LINGO1: variants seen among roughly 807,000 people sequenced by gnomAD.
LINGO1 encodes the protein leucine rich repeat and Ig domain containing 1.
A neutral mutation model predicts 37.3 loss-of-function variants in LINGO1; 11 were observed. The ratio of observed to expected loss-of-function variants is 0.29; its 90% CI spans 0.19 to 0.49. The LOEUF (loss-of-function observed/expected upper bound fraction) is 0.49, where lower values mean the gene tolerates loss of function less well. LINGO1 is among the 20% of genes least tolerant of loss of function. The pLI is 0.99. For synonymous variants in LINGO1, 387 were observed against 403.0 expected (o/e 0.96, Z 0.48); for missense variants, 585 against 878.2 (o/e 0.67, Z 4.22).
chr15:77,776,544 G>GGAAAGCA (rs2076655234), intron 1 of LINGO1, among the ~76,000 whole-genome samples: 1 of 122,462 alleles, frequency 8.2e-6, no homozygotes, highest in African/African-American at 2.7e-5. Flanking sequence ...GAGGGAGGGA[G>GGAAAGCA]GGAGGGAGGG....
chr15:77,663,463 C>T (rs1486542491), intron 3 of LINGO1, among the ~76,000 whole-genome samples: 1 of 152,198 alleles, frequency 6.6e-6, no homozygotes, highest in East Asian at 1.9e-4. Context: ...CCACCCTGGA[C>T]TTTGGTCCTG....
chr15:77,641,714 G>A, intron 3 of LINGO1: 1 of 385,528 alleles, frequency 2.6e-6, no homozygotes, highest in Non-Finnish European at 5.2e-6. Flanking sequence ...GACCCACTGT[G>A]GAGTCAGGTG....
At chr15:77,797,593 G>C (rs2076883874) in intron 1 of LINGO1, among the ~76,000 whole-genome samples, 1 of 152,336 alleles carries the variant, frequency 6.6e-6, no homozygotes. Context: ...TCAGGAAGCT[G>C]GCATCGAACC....
At chr15:77,819,556 TGCCCGGCGCCCACACTCGCGCACACA>T in intron 1 of LINGO1, 1 of 137,468 alleles carries the variant, frequency 7.3e-6, no homozygotes, top group African/African-American at 2.5e-5. Context: ...GCGCCCCCAC[TGCCCGGCGCCCACACTCGCGCACACA>T]CGCGCACACC....
At chr15:77,751,588 C>A (rs1191748966) in intron 1 of LINGO1, among the ~76,000 whole-genome samples, 1 of 152,160 alleles carries the variant, frequency 6.6e-6, no homozygotes, top group Non-Finnish European at 1.5e-5. Flanking sequence ...GGAGAAGGGT[C>A]AGTGCTTCAG....
intron 1 of LINGO1, among the ~76,000 whole-genome samples, chr15:77,736,349 G>A (rs2076203838): frequency 6.6e-6 from 1 of 152,184 alleles, no homozygotes; most frequent in East Asian, 1.9e-4. Context: ...AACCATGCTT[G>A]TGCTCACTGA....
At chr15:77,715,753 C>G (rs1375035790) in intron 2 of LINGO1, among the ~76,000 whole-genome samples, 1 of 152,196 alleles carries the variant, frequency 6.6e-6, no homozygotes, top group African/African-American at 2.4e-5. Flanking sequence ...TTAGTATTCT[C>G]CAAATATCCT....
intron 2 of LINGO1, among the ~76,000 whole-genome samples, chr15:77,679,147 C>T (rs2075374118): frequency 6.6e-6 from 1 of 152,186 alleles, no homozygotes; most frequent in Non-Finnish European, 1.5e-5. Context: ...GTGATCCACC[C>T]ACGTCGGCCT....
At chr15:77,818,923 G>A (rs2077071372) in intron 1 of LINGO1, among the ~76,000 whole-genome samples, 1 of 151,718 alleles carries the variant, frequency 6.6e-6, no homozygotes, top group African/African-American at 2.4e-5. Flanking sequence ...CTCTTCTCTG[G>A]AAAGGAAGGC....
At chr15:77,721,935 C>G (rs1596155529) in intron 2 of LINGO1, among the ~76,000 whole-genome samples, 1 of 152,062 alleles carries the variant, frequency 6.6e-6, no homozygotes, top group East Asian at 1.9e-4. Context: ...CTCCCTCTTC[C>G]CGCTGCAGAG....
intron 3 of LINGO1, among the ~76,000 whole-genome samples, chr15:77,673,881 C>T (rs1434500558): frequency 6.6e-6 from 1 of 152,192 alleles, no homozygotes; most frequent in African/African-American, 2.4e-5. Context: ...GGGCTGTGCA[C>T]TCAGAAGGGC....
At chr15:77,802,370 T>C (rs1157995270) in intron 1 of LINGO1, among the ~76,000 whole-genome samples, 1 of 152,024 alleles carries the variant, frequency 6.6e-6, no homozygotes, top group Non-Finnish European at 1.5e-5. Context: ...CACGTATATG[T>C]GTGCATAGTG....
At chr15:77,682,277 A>AGAGTGTGTGTGTGTGTGTGTGT (rs1491376369) in intron 2 of LINGO1, among the ~76,000 whole-genome samples, 1 of 139,832 alleles carries the variant, frequency 7.2e-6, no homozygotes, top group South Asian at 2.4e-4. Context: ...TAGAGATTAA[A>AGAGTGTGTGTGTGTGTGTGTGT]GTGTGTGTGT....
intron 3 of LINGO1, among the ~76,000 whole-genome samples, chr15:77,664,130 A>AGTGT (rs774494605): frequency 0.2 from 25,648 of 129,836 alleles, 2,572 homozygotes; most frequent in South Asian, 0.28. Context: ...ACACAGGAGC[A>AGTGT]GTGTGTGTGT....
intron 1 of LINGO1, among the ~76,000 whole-genome samples, chr15:77,627,952 C>T (rs1288570881): frequency 6.6e-6 from 1 of 152,164 alleles, no homozygotes; most frequent in Non-Finnish European, 1.5e-5. Flanking sequence ...CATCTCAACC[C>T]ACATTTCATA....
chr15:77,632,376 C>T lies in LINGO1; in HGVS notation c.-61G>A. On this transcript the variant is annotated 5_prime_UTR_variant, in exon 1 of 2. Coordinates refer to ENST00000355300, the MANE Select transcript of LINGO1 (RefSeq NM_032808.7). The surrounding 1 kb of genome is among the most constrained non-coding windows in gnomAD (Gnocchi z 6.0). The stretch of plus-strand genomic sequence containing the variant: ...CAATCGCATGTCTCTCCAGCCGGCC[C>T]GACCAGGCCCCAGCCCCTGCCCAGC... 1 of 1,357,048 alleles carries T rather than the reference C, an allele frequency of 7.4e-7. No homozygotes were observed. The highest frequency in any genetic ancestry group is 9.5e-7 in the Non-Finnish European group (1 of 1,050,050). The allele number at this position is 1,357,048 out of a possible 1,614,324, so 84.1% of individuals were successfully genotyped here. A position where few individuals can be genotyped will look rare whatever the true frequency, so the allele number is the denominator to read the frequency against.
chr15:77,668,567 C>A (rs907323351), intron 3 of LINGO1, among the ~76,000 whole-genome samples: 1 of 152,204 alleles, frequency 6.6e-6, no homozygotes, highest in Non-Finnish European at 1.5e-5. Flanking sequence ...TTAGAGACAA[C>A]CTGGACTGTC....
At chr15:77,623,289 AG>A (rs556665302) in intron 1 of LINGO1, among the ~76,000 whole-genome samples, 33 of 152,312 alleles carry the variant, frequency 2.2e-4, no homozygotes, top group African/African-American at 7.9e-4. Flanking sequence ...AAAGGTGTGC[AG>A]GGGGGAAGGG....
At chr15:77,663,037 C>T (rs1356388946) in intron 3 of LINGO1, among the ~76,000 whole-genome samples, 2 of 152,232 alleles carry the variant, frequency 1.3e-5, no homozygotes, top group Admixed American at 1.3e-4. Context: ...CCCAACCTGA[C>T]AGGCTTTTTG....
Sources: allele counts gnomAD v4.1 joint callset (sites outside exome capture counted in the v4.1 genomes callset), GRCh38; gene constraint gnomAD v4.1.1; non-coding constraint Gnocchi (gnomAD v3.1); transcripts MANE v1.5; gene names NCBI Gene and HGNC (gene_info 2026-07-23, HGNC 2026-07-21).